Variants in B3GALT1 observed in about 807,000 individuals in gnomAD.
The protein encoded by B3GALT1 is UDP-Gal:betaGlcNAc beta 1,3-galactosyltransferase, polypeptide 1.
B3GALT1 carries 10 observed loss-of-function variants against 23.2 expected under a neutral mutation model. The ratio of observed to expected loss-of-function variants is 0.43; its 90% CI spans 0.27 to 0.73. The LOEUF is 0.73. Ranked by LOEUF, B3GALT1 falls within the 30% of genes least tolerant of loss-of-function variation. The pLI is 0.21. For missense variants in B3GALT1, 299 were observed against 405.4 expected (o/e 0.74, Z 2.25); for synonymous variants, 156 against 141.5 (o/e 1.10, Z -0.73).
intron 2 of B3GALT1, among the ~76,000 whole-genome samples, chr2:167,554,009 T>C (rs1252125962): frequency 1.3e-5 from 2 of 152,168 alleles, no homozygotes; most frequent in African/African-American, 2.4e-5. Flanking sequence ...AACCATGTTA[T>C]GGATTTGCCT....
At chr2:167,473,327 TA>T (rs780398166) in intron 1 of B3GALT1, among the ~76,000 whole-genome samples, 2 of 152,186 alleles carry the variant, frequency 1.3e-5, no homozygotes, top group Non-Finnish European at 2.9e-5. Context: ...ATCACTGTGC[TA>T]GGCAACAAAC....
intron 2 of B3GALT1, among the ~76,000 whole-genome samples, chr2:167,518,111 C>T (rs1430177821): frequency 6.6e-6 from 1 of 152,104 alleles, no homozygotes; most frequent in Non-Finnish European, 1.5e-5. Context: ...AACTCATATC[C>T]TCATTCTCCT....
In B3GALT1 at chr2:167,795,866, A is replaced by G. The variant is rs375149872; in HGVS notation, c.-351-22806A>G. On this transcript the variant is annotated intron_variant, in intron 3 of 4. Coordinates refer to ENST00000392690, the MANE Select transcript of B3GALT1 (RefSeq NM_020981.4). Reference sequence around the variant, plus strand: ...ATTTATAGCGCCAGATAAAAGAGTGATTTAAGAGAAAATGGAGGGTAATTG... The same window carrying G: ...ATTTATAGCGCCAGATAAAAGAGTGGTTTAAGAGAAAATGGAGGGTAATTG... Among the ~76,000 whole-genome samples the G allele has an allele frequency of 2.9e-4, 44 of 152,374 alleles. No individual in the cohort carries two copies. In the South Asian group the frequency reaches 8.7e-3, roughly 30 times the overall value.
intron 1 of B3GALT1, among the ~76,000 whole-genome samples, chr2:167,376,747 C>G (rs1489901053): frequency 6.6e-6 from 1 of 152,002 alleles, no homozygotes; most frequent in East Asian, 1.9e-4. Context: ...CTTTGTTAAC[C>G]TAGCTAGTGG....
At chr2:167,702,655 C>A (rs553269938) in intron 3 of B3GALT1, among the ~76,000 whole-genome samples, 4 of 152,108 alleles carry the variant, frequency 2.6e-5, no homozygotes, top group Non-Finnish European at 4.4e-5. Flanking sequence ...ATAATATAAC[C>A]ATTCCTATAA....
intron 1 of B3GALT1, among the ~76,000 whole-genome samples, chr2:167,306,191 C>T (rs1377024896): frequency 6.6e-6 from 1 of 151,638 alleles, no homozygotes; most frequent in Non-Finnish European, 1.5e-5. Flanking sequence ...ACTCAAATGG[C>T]CAACAATAGA....
chr2:167,705,853 A>G (rs1686960201), intron 3 of B3GALT1, among the ~76,000 whole-genome samples: 1 of 152,168 alleles, frequency 6.6e-6, no homozygotes. Context: ...TCACTTTCTC[A>G]GTCACACTAG....
intron 1 of B3GALT1, among the ~76,000 whole-genome samples, chr2:167,370,288 G>T (rs1379818303): frequency 2.0e-5 from 3 of 152,164 alleles, no homozygotes; most frequent in African/African-American, 7.2e-5. Flanking sequence ...ACACAAGATG[G>T]TTCATTTTGT....
intron 3 of B3GALT1, among the ~76,000 whole-genome samples, chr2:167,685,780 A>G (rs1481505884): frequency 1.3e-5 from 2 of 152,194 alleles, no homozygotes; most frequent in East Asian, 3.9e-4. Context: ...CACGTGCTCA[A>G]TGGCCCCCAA....
chr2:167,309,065 CT>C (rs893800933), intron 1 of B3GALT1, among the ~76,000 whole-genome samples: 2 of 152,026 alleles, frequency 1.3e-5, no homozygotes, highest in African/African-American at 4.8e-5. Flanking sequence ...CAAACGAGTT[CT>C]TTTCTGTTTG....
At chr2:167,662,637 T>A (rs1341316719) in intron 3 of B3GALT1, among the ~76,000 whole-genome samples, 1 of 152,106 alleles carries the variant, frequency 6.6e-6, no homozygotes, top group Admixed American at 6.6e-5. Context: ...CCTGTTAACA[T>A]CACAGCATTA....
chr2:167,805,811 GCT>G (rs1157706019), intron 3 of B3GALT1, among the ~76,000 whole-genome samples: 2 of 152,160 alleles, frequency 1.3e-5, no homozygotes, highest in Admixed American at 6.5e-5. Flanking sequence ...GGCAATGCAG[GCT>G]CTTTTTTGGT....
intron 3 of B3GALT1, among the ~76,000 whole-genome samples, chr2:167,764,524 TCAGTACAACAAAG>T (rs1687944762): frequency 6.6e-6 from 1 of 152,176 alleles, no homozygotes; most frequent in African/African-American, 2.4e-5. Flanking sequence ...TAGATTGGCA[TCAGTACAACAAAG>T]CATTCATTTT....
intron 2 of B3GALT1, among the ~76,000 whole-genome samples, chr2:167,633,593 A>T (rs903544023): frequency 8.6e-5 from 13 of 152,010 alleles, no homozygotes; most frequent in African/African-American, 3.1e-4. Context: ...AAAGAAGGGT[A>T]TTTACATAAT....
chr2:167,563,248 T>TCCCC (rs1684053759), intron 2 of B3GALT1, among the ~76,000 whole-genome samples: 1 of 121,058 alleles, frequency 8.3e-6, no homozygotes, highest in African/African-American at 4.8e-5. Context: ...GCCCCCCACC[T>TCCCC]CCCAGACGGG....
chr2:167,468,733 A>G lies in B3GALT1; in HGVS notation c.-510-21444A>G, dbSNP rs529260020. Reference sequence around the variant, plus strand: ...CTAAGAATACAAAAATTAGCCGGGCATTGTGGCACATGCCTGAGTCCCAGC... The same window carrying G: ...CTAAGAATACAAAAATTAGCCGGGCGTTGTGGCACATGCCTGAGTCCCAGC... On this transcript the variant is annotated intron_variant, in intron 1 of 4. Coordinates refer to ENST00000392690, the MANE Select transcript of B3GALT1 (RefSeq NM_020981.4). 4.6e-5 allele frequency among the ~76,000 whole-genome samples: 7 copies of G among 152,294 alleles called. No homozygotes were observed. The South Asian group carries it at 1.4e-3, about 32-fold the overall frequency.
In B3GALT1 at chr2:167,779,948, A is replaced by C. The variant is rs201019822; in HGVS notation, c.-351-38724A>C. Among the ~76,000 whole-genome samples the C allele has an allele frequency of 2.6e-5, 4 of 152,326 alleles. No individual in the cohort carries two copies. In the East Asian group the frequency reaches 7.7e-4, roughly 29 times the overall value. On this transcript the variant is annotated intron_variant, in intron 3 of 4. Transcript: ENST00000392690. ...ATAACATATCCTAAAAACATCCAGC[A>C]TTTTAAAATGTATATCAAAATGTCA...
intron 1 of B3GALT1, among the ~76,000 whole-genome samples, chr2:167,359,663 C>G (rs904006784): frequency 1.3e-5 from 2 of 152,092 alleles, no homozygotes; most frequent in African/African-American, 2.4e-5. Flanking sequence ...GCACCTTTTT[C>G]TTTTGTCCAT....
intron 1 of B3GALT1, among the ~76,000 whole-genome samples, chr2:167,480,789 C>T (rs1463436367): frequency 6.6e-6 from 1 of 152,148 alleles, no homozygotes; most frequent in East Asian, 1.9e-4. Context: ...ACAAGAGTGA[C>T]TAAATATTTT....
Sources: gnomAD v4.1 joint callset for allele counts (sites outside exome capture counted in the v4.1 genomes callset) on GRCh38, gnomAD v4.1.1 for gene constraint, MANE v1.5 for transcripts, NCBI Gene and HGNC (gene_info 2026-07-23, HGNC 2026-07-21) for gene names.